The following PTPRJ variants were observed in gnomAD, a reference collection of about 807,000 sequenced individuals.
PTPRJ encodes protein tyrosine phosphatase receptor type J.
Under a neutral mutation model 141.3 loss-of-function variants are expected in PTPRJ, and 129 were observed. That is an observed-to-expected ratio of 0.91 (90% CI 0.79 to 1.06). The LOEUF is 1.06. Ranked by LOEUF, PTPRJ falls within the 50% of genes least tolerant of loss-of-function variation. The probability of loss-of-function intolerance (pLI) is 0.00; values close to 1 mark genes in which losing one functional copy is unlikely to be tolerated. For missense variants in PTPRJ, 1,601 were observed against 1,679.7 expected, an observed-to-expected ratio of 0.95 and a Z score of 0.82; for synonymous variants, 610 against 640.5, an observed-to-expected ratio of 0.95 and a Z score of 0.72.
intron 23 of PTPRJ, among the ~76,000 whole-genome samples, chr11:48,164,090 G>A (rs183950335): frequency 1.4e-4 from 21 of 152,292 alleles, no homozygotes; most frequent in Non-Finnish European, 2.4e-4. Context: ...AAAATGTGCC[G>A]CCATCCTGGG....
chr11:48,140,475 A>G (rs754206327), intron 11 of PTPRJ, among the ~76,000 whole-genome samples: 1 of 152,204 alleles, frequency 6.6e-6, no homozygotes, highest in South Asian at 2.1e-4. Flanking sequence ...TGGGTGAGCT[A>G]GCATGCTGCT....
chr11:48,162,061 T>C (rs1235377209), intron 22 of PTPRJ, among the ~76,000 whole-genome samples: 2 of 152,178 alleles, frequency 1.3e-5, no homozygotes. Context: ...ATGATTATTA[T>C]TTTTTATTAA....
intron 6 of PTPRJ, among the ~76,000 whole-genome samples, chr11:48,126,803 C>A (rs1201771026): frequency 7.1e-6 from 1 of 141,416 alleles, no homozygotes; most frequent in East Asian, 2.1e-4. Context: ...CACACACACA[C>A]ACACACACAC....
chr11:48,093,055 T>A (rs1012635404), intron 1 of PTPRJ, among the ~76,000 whole-genome samples: 1 of 152,264 alleles, frequency 6.6e-6, no homozygotes, highest in African/African-American at 2.4e-5. Flanking sequence ...ATTTCTAAAC[T>A]ACTCGTGTAT....
chr11:48,019,157 C>G (rs1245832349), intron 1 of PTPRJ, among the ~76,000 whole-genome samples: 7 of 151,288 alleles, frequency 4.6e-5, no homozygotes, highest in Admixed American at 4.6e-4. Context: ...GGTCTCTGTG[C>G]CCTTTTCCTG....
intron 24 of PTPRJ, among the ~76,000 whole-genome samples, chr11:48,166,120 C>T (rs1261557585): frequency 6.6e-6 from 1 of 151,982 alleles, no homozygotes; most frequent in African/African-American, 2.4e-5. Flanking sequence ...GCCTCGGCCT[C>T]CCAAATTGCT....
intron 1 of PTPRJ, among the ~76,000 whole-genome samples, chr11:48,042,804 AAG>A (rs1854302539): frequency 2.1e-5 from 3 of 139,586 alleles, no homozygotes; most frequent in African/African-American, 8.2e-5. Context: ...GAGAGAGAGA[AAG>A]AGAGTAAGAG....
At position 47,985,636 on chromosome 11, in the gene PTPRJ, G is replaced by T. The variant is rs376702729; in HGVS notation, c.96+4628G>T. Among the ~76,000 whole-genome samples the T allele has an allele frequency of 7.2e-5, 11 of 152,158 alleles. No homozygotes were observed. In the East Asian group the frequency reaches 1.5e-3, roughly 21 times the overall value. On this transcript the variant is annotated intron_variant, in intron 1 of 24. Transcript: ENST00000418331. ...TGTGCTGTAAAAAGTCATGGAGAAG[G>T]TTTTCTGTGTGCAGCTAAGAGAGGA...
At chr11:48,114,253 C>G (rs894256088) in intron 3 of PTPRJ, among the ~76,000 whole-genome samples, 1 of 151,798 alleles carries the variant, frequency 6.6e-6, no homozygotes, top group African/African-American at 2.4e-5. Context: ...GCCTGGCCAA[C>G]ATGGCAAAAC....
intron 1 of PTPRJ, among the ~76,000 whole-genome samples, chr11:48,024,948 TA>T (rs1853767357): frequency 6.6e-6 from 1 of 152,204 alleles, no homozygotes; most frequent in Non-Finnish European, 1.5e-5. Flanking sequence ...GAAGGGAAAG[TA>T]AAGGTATATT....
At chr11:48,155,004 G>A (rs1253603925) in intron 19 of PTPRJ, among the ~76,000 whole-genome samples, 2 of 152,202 alleles carry the variant, frequency 1.3e-5, no homozygotes, top group African/African-American at 4.8e-5. Flanking sequence ...GGAGGGTGAG[G>A]TAGTACAATC....
chr11:48,124,251 T>C (rs1856782978), intron 5 of PTPRJ, among the ~76,000 whole-genome samples: 1 of 152,166 alleles, frequency 6.6e-6, no homozygotes, highest in Non-Finnish European at 1.5e-5. Flanking sequence ...TTGCAGAGGA[T>C]CCCCAGGATA....
intron 1 of PTPRJ, among the ~76,000 whole-genome samples, chr11:48,094,881 C>A (rs1855965405): frequency 6.6e-6 from 1 of 152,108 alleles, no homozygotes; most frequent in Admixed American, 6.5e-5. Flanking sequence ...CTTCTAAGTT[C>A]TGGGTAGTGA....
At chr11:48,127,689 T>A in intron 6 of PTPRJ, 91 bp from the exon 7 acceptor site, 1 of 1,376,916 alleles carries the variant, frequency 7.3e-7, no homozygotes, top group African/African-American at 1.4e-5. Flanking sequence ...CCCAGGAGAG[T>A]TTGCTGGGCT....
chr11:48,056,390 C>A (rs1458137983), intron 1 of PTPRJ, among the ~76,000 whole-genome samples: 1 of 152,154 alleles, frequency 6.6e-6, no homozygotes, highest in Non-Finnish European at 1.5e-5. Context: ...AAAATAGGTA[C>A]AAAAACTCAG....
chr11:48,123,101 C>T (rs1856745719), intron 4 of PTPRJ, among the ~76,000 whole-genome samples: 2 of 152,208 alleles, frequency 1.3e-5, no homozygotes, highest in East Asian at 3.8e-4. Context: ...GGAGATGGAA[C>T]GTCTTCTGAA....
intron 1 of PTPRJ, among the ~76,000 whole-genome samples, chr11:48,010,010 C>T (rs976210288): frequency 6.6e-6 from 1 of 152,142 alleles, no homozygotes; most frequent in Non-Finnish European, 1.5e-5. Context: ...GGGGACTCCC[C>T]ATCCCAAATT....
intron 1 of PTPRJ, among the ~76,000 whole-genome samples, chr11:48,086,973 T>C (rs535496892): frequency 1.3e-5 from 2 of 152,316 alleles, no homozygotes; most frequent in East Asian, 3.9e-4. Context: ...AACTAATGCA[T>C]GTCAAGCACT....
At chr11:48,142,855 C>T in intron 11 of PTPRJ, 64 bp from the exon 12 acceptor site, 1 of 1,534,396 alleles carries the variant, frequency 6.5e-7, no homozygotes, top group Non-Finnish European at 8.8e-7. Flanking sequence ...AGCATGTTCT[C>T]TACCTAATGT....
Sources: gnomAD v4.1 joint callset for allele counts (sites outside exome capture counted in the v4.1 genomes callset) on GRCh38, gnomAD v4.1.1 for gene constraint, MANE v1.5 for transcripts, NCBI Gene and HGNC (gene_info 2026-07-23, HGNC 2026-07-21) for gene names.